ADGRE3: variants seen among roughly 807,000 people sequenced by gnomAD.
ADGRE3 encodes EGF-like module receptor 3.
Under a neutral mutation model 80.1 loss-of-function variants are expected in ADGRE3, and 88 were observed. That is an observed-to-expected ratio of 1.10 (90% CI 0.93 to 1.31). ADGRE3 has a LOEUF of 1.31. Ranked by LOEUF, ADGRE3 falls within the 40% of genes most tolerant of loss-of-function variation. The probability of loss-of-function intolerance (pLI) is 0.00; values close to 1 mark genes in which losing one functional copy is unlikely to be tolerated. For synonymous variants in ADGRE3, 281 were observed against 294.8 expected, an observed-to-expected ratio of 0.95 and a Z score of 0.48; for missense variants, 715 against 776.5, an observed-to-expected ratio of 0.92 and a Z score of 0.94.
downstream of ADGRE3, among the ~76,000 whole-genome samples, chr19:14,618,738 G>A (rs147788659): frequency 0.036 from 5,247 of 147,130 alleles, 155 homozygotes; most frequent in Non-Finnish European, 0.05. Context: ...TACCTGTAAC[G>A]CCAGCTACTT....
In ADGRE3 at chr19:14,650,638, TC is replaced by T. The variant is rs1971572925; in HGVS notation, c.697+446del. On this transcript the variant is annotated intron_variant, in intron 7 of 15. Coordinates refer to ENST00000253673, the MANE Select transcript of ADGRE3 (RefSeq NM_032571.5). ...CTTGCTCTCTGTCTCCATCTCTCTC[TC>T]TCTCTCTCTCTCTCTCTCTCTCTCT... Among the ~76,000 whole-genome samples, 206 of 86,508 alleles carry T rather than the reference TC, an allele frequency of 2.4e-3. 7 individuals are homozygous for T. The highest frequency in any genetic ancestry group is 6.0e-3 in the African/African-American group (109 of 18,038). 56.8% of individuals were successfully genotyped at this position (86,508 alleles called of 152,430 possible). A position where few individuals can be genotyped will look rare whatever the true frequency, so the allele number is the denominator to read the frequency against.
intron 10 of ADGRE3, among the ~76,000 whole-genome samples, chr19:14,641,169 CT>C: frequency 6.6e-6 from 1 of 152,262 alleles, no homozygotes; most frequent in East Asian, 1.9e-4. Flanking sequence ...TTGAGAATGC[CT>C]CGTTACCTGG....
chr19:14,649,472 CT>C, intron 7 of ADGRE3, among the ~76,000 whole-genome samples: 1 of 113,054 alleles, frequency 8.8e-6, no homozygotes, highest in Admixed American at 8.4e-5. Context: ...TTTTCCCCAT[CT>C]CTCTCTTTTG....
Position 14,662,121 on chromosome 19 carries a change from G to A in ADGRE3, c.200-3C>T, listed in dbSNP as rs1366923397. ...GGGTGGTGTACATTCATTAATGTCT[G>A]GAACACAAAGAAGCAATTGGGTCAT... On this transcript the variant is annotated splice_region_variant and splice_polypyrimidine_tract_variant and intron_variant, in intron 3 of 15. Transcript: ENST00000253673. 6 of 1,613,492 alleles carry A rather than the reference G, an allele frequency of 3.7e-6. No individual in the cohort carries two copies. The highest frequency in any genetic ancestry group is 1.6e-4 in the Middle Eastern group (1 of 6,078).
chr19:14,636,242 CAG>C (rs1218695603), intron 11 of ADGRE3, among the ~76,000 whole-genome samples: 76 of 118,652 alleles, frequency 6.4e-4, no homozygotes, highest in African/African-American at 2.2e-3. Flanking sequence ...TTTTTTTTTT[CAG>C]AGTCTCACTC....
At chr19:14,650,957 A>G in intron 7 of ADGRE3, 128 bp downstream of exon 7, 1 of 1,013,296 alleles carries the variant, frequency 9.9e-7, no homozygotes, top group Non-Finnish European at 1.4e-6. Flanking sequence ...TTTAAAGGGA[A>G]AATCTCCAAT....
rs576470270 is a variant in ADGRE3 at position 14,651,472 on chromosome 19, C to G, written c.578-268G>C. The stretch of plus-strand genomic sequence containing the variant: ...TGAGCTAAGAGTCTTACACATGTCA[C>G]CTTATAAACCTATAACTTCATCAGG... On this transcript the variant is annotated intron_variant, in intron 6 of 15. Coordinates refer to ENST00000253673, the MANE Select transcript of ADGRE3 (RefSeq NM_032571.5). 4.3e-4 allele frequency among the ~76,000 whole-genome samples: 66 copies of G among 152,074 alleles called. 1 individual carries two copies. Among genetic ancestry groups the G allele is most frequent in the Non-Finnish European group, 5.0e-4 (34 of 68,026 alleles).
At chr19:14,629,956 A>T (rs1485407416) in intron 14 of ADGRE3, 83 bp downstream of exon 14, 1 of 870,238 alleles carries the variant, frequency 1.1e-6, no homozygotes, top group Non-Finnish European at 1.7e-6. Context: ...GAACATTTAG[A>T]GAATGTCAAC....
At chr19:14,611,326 A>G in the ADGRE3 span, among the ~76,000 whole-genome samples, 1 of 150,862 alleles carries the variant, frequency 6.6e-6, no homozygotes, top group Non-Finnish European at 1.5e-5. Context: ...GCTAAGTGGC[A>G]GAATCAGACT....
intron 7 of ADGRE3, among the ~76,000 whole-genome samples, chr19:14,649,550 ATC>A (rs1253254091): frequency 1.6e-5 from 2 of 126,882 alleles, no homozygotes; most frequent in Admixed American, 8.1e-5. Flanking sequence ...CTTTCTCCCC[ATC>A]TCTCTCTTTC....
rs113290849 is a variant in ADGRE3, at chr19:14,663,989, G to A, written c.77-449C>T. 4.1e-3 allele frequency among the ~76,000 whole-genome samples: 628 copies of A among 152,126 alleles called. 4 individuals are homozygous for A. Among genetic ancestry groups the A allele is most frequent in the Middle Eastern group, 0.01 (3 of 294 alleles). ...ATATGTAAATAATAATAATAATGAG[G>A]CCTCGCCTCTGGGCAGGGCCTCTCA... On this transcript the variant is annotated intron_variant, in intron 2 of 15. Transcript: ENST00000253673.
chr19:14,613,695 A>AT, the ADGRE3 span, among the ~76,000 whole-genome samples: 8,472 of 151,320 alleles, frequency 0.056, 268 homozygotes, highest in African/African-American at 0.084. Flanking sequence ...TATTAAAAAA[A>AT]TTTTTTTTGA....
the ADGRE3 span, among the ~76,000 whole-genome samples, chr19:14,613,242 G>T: frequency 1.3e-5 from 2 of 151,700 alleles, no homozygotes; most frequent in Non-Finnish European, 2.9e-5. Context: ...TATTTTTTGA[G>T]ACAAGGTCTC....
intron 15 of ADGRE3, among the ~76,000 whole-genome samples, chr19:14,619,968 G>A (rs1438103470): frequency 6.6e-6 from 1 of 152,104 alleles, no homozygotes; most frequent in African/African-American, 2.4e-5. Context: ...AGAGTTGTGG[G>A]CAAGAAGTTC....
At chr19:14,616,417 A>G (rs189892508), downstream of ADGRE3, among the ~76,000 whole-genome samples, 1 of 152,004 alleles carries the variant, frequency 6.6e-6, no homozygotes, top group East Asian at 1.9e-4. Flanking sequence ...ATCAAAGATG[A>G]GTTTGTGAAA....
At position 14,625,579 on chromosome 19, in the gene ADGRE3, C is replaced by A. The variant is rs780943563; in HGVS notation, c.1833G>T (p.Lys611Asn). 1.9e-6 allele frequency: 3 copies of A among 1,612,670 alleles called. No homozygotes were observed. Among genetic ancestry groups the A allele is most frequent in the South Asian group, 1.1e-5 (1 of 90,950 alleles). The change falls in exon 15 of 16, where the codon AAG becomes AAT. Residue 611 changes from lysine to asparagine, a missense_variant. Lys to Asn is a moderately conservative substitution (Grantham distance 94, BLOSUM62 0). Transcript: ENST00000253673. ...LSQQVQKQYQ[K>N]WFREIVKSKS... ...TTGATTTTACGATCTCTCTAAACCACTTTTGATATTGTTTCTGGACCTGGA... is the reference window on the plus strand; with the variant it reads ...TTGATTTTACGATCTCTCTAAACCAATTTTGATATTGTTTCTGGACCTGGA...
downstream of ADGRE3, chr19:14,618,985 C>T (rs761365542): frequency 3.5e-5 from 7 of 201,128 alleles, no homozygotes; most frequent in African/African-American, 1.7e-4. Flanking sequence ...CCTGTAATCC[C>T]AGCACTTTGG....
chr19:14,607,125 G>C, the ADGRE3 span: 1 of 1,173,142 alleles, frequency 8.5e-7, no homozygotes, highest in Non-Finnish European at 1.1e-6. Flanking sequence ...GTTTCCTGGG[G>C]TCTCTCTGCT....
chr19:14,668,513 T>C, intron 2 of ADGRE3: 1 of 474,620 alleles, frequency 2.1e-6, no homozygotes, highest in Non-Finnish European at 3.7e-6. Flanking sequence ...CCCACTAGAA[T>C]GTCTGCTTCA....
Sources: gnomAD v4.1 joint callset for allele counts (sites outside exome capture counted in the v4.1 genomes callset) on GRCh38, gnomAD v4.1.1 for gene constraint, MANE v1.5 for transcripts, NCBI Gene and HGNC (gene_info 2026-07-23, HGNC 2026-07-21) for gene names.